CNNM2: variants seen among roughly 807,000 people sequenced by gnomAD.
The protein encoded by CNNM2 is cyclin and CBS domain divalent metal cation transport mediator 2.
In CNNM2, 12 loss-of-function variants were observed where a neutral mutation model predicts 66.9. The ratio of observed to expected loss-of-function variants is 0.18; its 90% CI spans 0.11 to 0.29. The LOEUF (loss-of-function observed/expected upper bound fraction) is 0.29, where lower values mean the gene tolerates loss of function less well. Ranked by LOEUF, CNNM2 falls within the 10% of genes least tolerant of loss-of-function variation. CNNM2 has a pLI of 1.00. For synonymous variants in CNNM2, 557 were observed against 501.8 expected, an observed-to-expected ratio of 1.11 and a Z score of -1.47; for missense variants, 705 against 1,167.7, an observed-to-expected ratio of 0.60 and a Z score of 5.77.
intron 1 of CNNM2, among the ~76,000 whole-genome samples, chr10:103,035,897 T>TTC (rs2064927607): frequency 1.3e-5 from 2 of 152,238 alleles, no homozygotes; most frequent in Admixed American, 1.3e-4. Flanking sequence ...TTACTTTACT[T>TTC]TCTGTGTCTG....
chr10:102,993,337 T>C (rs2063930927), intron 1 of CNNM2, among the ~76,000 whole-genome samples: 1 of 152,230 alleles, frequency 6.6e-6, no homozygotes. Context: ...TTAGACTTCC[T>C]GAAGCTGAAT....
chr10:103,018,422 TA>T (rs1374724154), intron 1 of CNNM2, among the ~76,000 whole-genome samples: 2 of 152,126 alleles, frequency 1.3e-5, no homozygotes, highest in African/African-American at 4.8e-5. Context: ...ATTGGATGTA[TA>T]AATCCAGAAT....
At chr10:103,060,496 G>A (rs1328180473) in intron 4 of CNNM2, among the ~76,000 whole-genome samples, 1 of 152,160 alleles carries the variant, frequency 6.6e-6, no homozygotes, top group Non-Finnish European at 1.5e-5. Context: ...AGTGAGCCGA[G>A]ATCGTGCCAC....
In CNNM2 at chr10:103,029,718, T is replaced by G. The variant is rs11191521; in HGVS notation, c.1622-19989T>G. On this transcript the variant is annotated intron_variant, in intron 1 of 7. Transcript: ENST00000369878. ...CTCTACTAAAAATACAAAAAAAAAT[T>G]AGCCAGGCATGGCGGCACGTGCCTG... Among the ~76,000 whole-genome samples, 13,704 of 150,910 alleles carry G rather than the reference T, an allele frequency of 0.091. 841 individuals are homozygous for G. Among genetic ancestry groups the G allele is most frequent in the East Asian group, 0.28 (1,421 of 5,090 alleles).
Position 103,080,766 on chromosome 10 carries a change from A to G in CNNM2, c.*3586A>G, listed in dbSNP as rs1363019588. On this transcript the variant is annotated 3_prime_UTR_variant, in exon 8 of 8. Transcript: ENST00000369878. ...TTTCCAAGCCTAGGAAAATAATGGT[A>G]GATACAAATAGAAATACATTTTCCC... 6.6e-6 allele frequency: 1 copy of G among 152,264 alleles called. No individual in the cohort carries two copies. Among genetic ancestry groups the G allele is most frequent in the Non-Finnish European group, 1.5e-5 (1 of 68,042 alleles). The allele number at this position is 152,264 out of a possible 1,614,324, so 9.4% of individuals were successfully genotyped here.
In CNNM2 at chr10:103,079,434, A is replaced by G. The variant is rs1338167460; in HGVS notation, c.*2254A>G. 1 of 152,132 alleles carries G rather than the reference A, an allele frequency of 6.6e-6. No homozygotes were observed. Among genetic ancestry groups the G allele is most frequent in the Non-Finnish European group, 1.5e-5 (1 of 68,048 alleles). The allele number at this position is 152,132 out of a possible 1,614,324, so 9.4% of individuals were successfully genotyped here. A position where few individuals can be genotyped will look rare whatever the true frequency, so the allele number is the denominator to read the frequency against. ...CTTCTCCACACACAGTCTCTCGGGG[A>G]TGCCTTGCTACTGGGAGAGCCTCTG... On this transcript the variant is annotated 3_prime_UTR_variant, in exon 8 of 8. Coordinates refer to ENST00000369878, the MANE Select transcript of CNNM2 (RefSeq NM_017649.5).
At chr10:103,023,768 T>C (rs1257225380) in intron 1 of CNNM2, among the ~76,000 whole-genome samples, 1 of 152,186 alleles carries the variant, frequency 6.6e-6, no homozygotes, top group African/African-American at 2.4e-5. Context: ...TCATTAAAAA[T>C]TATATATACC....
intron 1 of CNNM2, among the ~76,000 whole-genome samples, chr10:102,956,879 T>C (rs1458443352): frequency 6.6e-6 from 1 of 152,142 alleles, no homozygotes; most frequent in Admixed American, 6.6e-5. Flanking sequence ...AAATACCTAA[T>C]GTAAACGACG....
chr10:102,956,278 G>A (rs1847032153), intron 1 of CNNM2, among the ~76,000 whole-genome samples: 2 of 107,064 alleles, frequency 1.9e-5, no homozygotes, highest in South Asian at 3.1e-4. Context: ...ATAAGAGCAA[G>A]ATTCCATCTC....
At chr10:103,024,886 A>G (rs953084374) in intron 1 of CNNM2, among the ~76,000 whole-genome samples, 2 of 152,074 alleles carry the variant, frequency 1.3e-5, no homozygotes, top group African/African-American at 2.4e-5. Flanking sequence ...TATCTATCCC[A>G]TGTATTTCCT....
chr10:102,967,467 A>C lies in CNNM2; in HGVS notation c.1621+47366A>C, dbSNP rs10883810. ...TCTCCAGCCTCTGGCAAACACTGTT[A>C]TGCTTTCTGTCTCTATAGATTTGAC... On this transcript the variant is annotated intron_variant, in intron 1 of 7. Transcript: ENST00000369878. Among the ~76,000 whole-genome samples, 47,568 of 152,074 alleles carry C rather than the reference A, an allele frequency of 0.31. 7,562 individuals carry two copies. The highest frequency in any genetic ancestry group is 0.37 in the Middle Eastern group (109 of 294).
At chr10:103,040,945 C>G (rs187498111) in intron 1 of CNNM2, among the ~76,000 whole-genome samples, 1 of 152,140 alleles carries the variant, frequency 6.6e-6, no homozygotes, top group Non-Finnish European at 1.5e-5. Flanking sequence ...AGAATTGCTT[C>G]TCTTATTCTG....
intron 5 of CNNM2, among the ~76,000 whole-genome samples, chr10:103,071,108 C>T (rs934815932): frequency 3.3e-5 from 5 of 152,094 alleles, no homozygotes; most frequent in African/African-American, 9.7e-5. Context: ...TGGGGAAAAC[C>T]GACAATAATC....
Position 103,076,209 on chromosome 10 carries a change from T to C in CNNM2, c.2357T>C (p.Leu786Pro). The change falls in exon 7 of 8, where the codon CTC becomes CCC. Residue 786 changes from leucine to proline, a missense_variant. Physicochemically the swap from Leu to Pro is moderately conservative, Grantham distance 98. Transcript: ENST00000369878. Reference sequence around the variant, plus strand: ...AGCAATAACCAGCTCAATTCTTCGCTCCTCCAAGTCTACATCCCCGATTAC... The same window carrying C: ...AGCAATAACCAGCTCAATTCTTCGCCCCTCCAAGTCTACATCCCCGATTAC... The part of the protein sequence containing the change: ...GSSNNQLNSS[L>P]LQVYIPDYSV... The C allele has an allele frequency of 6.3e-7, 1 of 1,587,286 alleles. No individual in the cohort carries two copies. Among genetic ancestry groups the C allele is most frequent in the Non-Finnish European group, 8.6e-7 (1 of 1,166,700 alleles).
intron 1 of CNNM2, among the ~76,000 whole-genome samples, chr10:102,938,576 C>T (rs981696598): frequency 4.6e-5 from 6 of 129,492 alleles, no homozygotes; most frequent in African/African-American, 1.2e-4. Context: ...GATGGGATTG[C>T]GCCACTGCAC....
Position 103,090,145 on chromosome 10 carries a change from G to A in CNNM2, c.*12965G>A. The A allele has an allele frequency of 2.3e-6, 1 of 438,672 alleles. No homozygotes were observed. Among genetic ancestry groups the A allele is most frequent in the Non-Finnish European group, 4.0e-6 (1 of 249,400 alleles). The allele number at this position is 438,672 out of a possible 1,614,324, so 27.2% of individuals were successfully genotyped here. Reference sequence around the variant, plus strand: ...GCAGCTGGAAATTGGAAAAGATGGAGAGGGGAGTTTACTTTCTATTTTACA... The same window carrying A: ...GCAGCTGGAAATTGGAAAAGATGGAAAGGGGAGTTTACTTTCTATTTTACA... On this transcript the variant is annotated 3_prime_UTR_variant, in exon 8 of 8. Coordinates refer to ENST00000369878, the MANE Select transcript of CNNM2 (RefSeq NM_017649.5).
chr10:102,934,003 T>G (rs955984755), intron 1 of CNNM2, among the ~76,000 whole-genome samples: 13 of 141,424 alleles, frequency 9.2e-5, no homozygotes, highest in Admixed American at 4.4e-4. Context: ...CCAGCTTATT[T>G]TAACTTTTTT....
At chr10:103,070,793 G>T (rs1288985977) in intron 5 of CNNM2, among the ~76,000 whole-genome samples, 1 of 152,188 alleles carries the variant, frequency 6.6e-6, no homozygotes, top group East Asian at 1.9e-4. Flanking sequence ...AGCCAGGCAT[G>T]GTGGCACATG....
rs1471338538 is a variant in CNNM2 at position 103,089,671 on chromosome 10, C to T, written c.*12491C>T. The T allele has an allele frequency of 1.9e-6, 3 of 1,592,916 alleles. No individual in the cohort carries two copies. The highest frequency in any genetic ancestry group is 2.2e-5 in the East Asian group (1 of 44,746). Reference sequence around the variant, plus strand: ...GGTGCTTGGGGTTTTGGTTTTCCTCCTTATTCTTCCTCCTCCTCCTCCTCT... The same window carrying T: ...GGTGCTTGGGGTTTTGGTTTTCCTCTTTATTCTTCCTCCTCCTCCTCCTCT... On this transcript the variant is annotated 3_prime_UTR_variant, in exon 8 of 8. Transcript: ENST00000369878.
Sources: allele counts gnomAD v4.1 joint callset (sites outside exome capture counted in the v4.1 genomes callset), GRCh38; gene constraint gnomAD v4.1.1; transcripts MANE v1.5; gene names NCBI Gene and HGNC (gene_info 2026-07-23, HGNC 2026-07-21).